Variants in KIAA0825 observed in about 807,000 individuals in gnomAD.
KIAA0825 encodes KIAA0825, also known as uncharacterized protein KIAA0825.
Under a neutral mutation model 147.6 loss-of-function variants are expected in KIAA0825, and 119 were observed. The ratio of observed to expected loss-of-function variants is 0.81; its 90% CI spans 0.69 to 0.94. The LOEUF (loss-of-function observed/expected upper bound fraction) is 0.94. Among genes scored for constraint, KIAA0825 ranks in the 40% least tolerant of loss-of-function variants. KIAA0825 has a pLI of 0.00. For missense variants in KIAA0825, 1,381 were observed against 1,472.7 expected, an observed-to-expected ratio of 0.94 and a Z score of 1.02; for synonymous variants, 470 against 518.1, an observed-to-expected ratio of 0.91 and a Z score of 1.26.
intron 20 of KIAA0825, among the ~76,000 whole-genome samples, chr5:94,204,356 C>T (rs1771964710): frequency 6.6e-6 from 1 of 152,068 alleles, no homozygotes; most frequent in Non-Finnish European, 1.5e-5. Context: ...TTGAATAGTT[C>T]CAAAATATAA....
At chr5:94,602,408 AG>A (rs1392818119) in intron 1 of KIAA0825, among the ~76,000 whole-genome samples, 1 of 152,108 alleles carries the variant, frequency 6.6e-6, no homozygotes, top group African/African-American at 2.4e-5. Flanking sequence ...CATAATCATC[AG>A]GTTCTTCAAG....
intron 20 of KIAA0825, among the ~76,000 whole-genome samples, chr5:94,205,301 T>TATATATATATATATA (rs1562311940): frequency 1.6e-5 from 1 of 62,846 alleles, no homozygotes; most frequent in Non-Finnish European, 3.6e-5. Context: ...ATATATATAT[T>TATATATATATATATA]TTGTTTTGTT....
intron 20 of KIAA0825, among the ~76,000 whole-genome samples, chr5:94,372,871 C>T (rs774545097): frequency 7.2e-5 from 11 of 152,232 alleles, no homozygotes; most frequent in Non-Finnish European, 1.3e-4. Flanking sequence ...GTTCTGCTTC[C>T]GCTTGAATGC....
chr5:94,559,433 T>A (rs1777159637), intron 2 of KIAA0825, among the ~76,000 whole-genome samples: 1 of 152,150 alleles, frequency 6.6e-6, no homozygotes, highest in African/African-American at 2.4e-5. Context: ...CTCTTTAAAA[T>A]AGGACACAAA....
In KIAA0825 at chr5:94,287,125, A is replaced by G. The variant is rs145654479; in HGVS notation, c.3710+97243T>C. Among the ~76,000 whole-genome samples, 766 of 152,288 alleles carry G rather than the reference A, an allele frequency of 5.0e-3. 7 individuals are homozygous for G. Among genetic ancestry groups the G allele is most frequent in the African/African-American group, 0.018 (741 of 41,576 alleles). On this transcript the variant is annotated intron_variant, in intron 20 of 20. Transcript: ENST00000682413. ...CTTGAATGGTCATCATGAAGATAAA[A>G]TGAGTTAATGTATATAAAGTCACCA...
intron 20 of KIAA0825, among the ~76,000 whole-genome samples, chr5:94,161,444 G>C (rs1444142791): frequency 6.6e-6 from 1 of 152,108 alleles, no homozygotes; most frequent in Non-Finnish European, 1.5e-5. Context: ...CCAGTCTACA[G>C]CCCACCTTTT....
chr5:94,249,064 G>A (rs187253822), intron 20 of KIAA0825, among the ~76,000 whole-genome samples: 156 of 152,050 alleles, frequency 1.0e-3, no homozygotes, highest in Non-Finnish European at 1.7e-3. Context: ...AAGGAAGCCC[G>A]ATCGGGTTAA....
chr5:94,428,003 T>C (rs146867010), intron 14 of KIAA0825, among the ~76,000 whole-genome samples: 1 of 152,334 alleles, frequency 6.6e-6, no homozygotes, highest in Non-Finnish European at 1.5e-5. Flanking sequence ...GTCTATCTTA[T>C]CTGATATAAA....
At chr5:94,604,162 T>C (rs774431061) in intron 1 of KIAA0825, among the ~76,000 whole-genome samples, 4 of 152,202 alleles carry the variant, frequency 2.6e-5, no homozygotes, top group Non-Finnish European at 5.9e-5. Flanking sequence ...ACTCTAAAAT[T>C]GATCACATAA....
At chr5:94,341,299 C>T (rs1782352091) in intron 20 of KIAA0825, among the ~76,000 whole-genome samples, 1 of 152,084 alleles carries the variant, frequency 6.6e-6, no homozygotes, top group African/African-American at 2.4e-5. Flanking sequence ...TGCTAAAATC[C>T]TCTGTCTTAT....
At chr5:94,393,845 C>T (rs950150839) in intron 17 of KIAA0825, among the ~76,000 whole-genome samples, 3 of 147,900 alleles carry the variant, frequency 2.0e-5, no homozygotes, top group African/African-American at 7.8e-5. Flanking sequence ...CAAGAAGAAA[C>T]ACTCTTTTTT....
chr5:94,599,942 C>A (rs1403372895), intron 1 of KIAA0825, among the ~76,000 whole-genome samples: 1 of 151,574 alleles, frequency 6.6e-6, no homozygotes, highest in Non-Finnish European at 1.5e-5. Context: ...GTCCACCCCC[C>A]CAAAAAAAAG....
chr5:94,314,872 C>G (rs1262515440), intron 20 of KIAA0825, among the ~76,000 whole-genome samples: 2 of 151,476 alleles, frequency 1.3e-5, no homozygotes, highest in African/African-American at 4.8e-5. Flanking sequence ...CTCTTTTAAC[C>G]CCCTTCAGCT....
At chr5:94,523,393 T>G (rs899151333) in intron 4 of KIAA0825, among the ~76,000 whole-genome samples, 4 of 151,636 alleles carry the variant, frequency 2.6e-5, no homozygotes, top group African/African-American at 9.7e-5. Flanking sequence ...GTGGTCAATA[T>G]TAAGAATACC....
chr5:94,343,688 C>A (rs1171892307), intron 20 of KIAA0825, among the ~76,000 whole-genome samples: 1 of 151,870 alleles, frequency 6.6e-6, no homozygotes, highest in Non-Finnish European at 1.5e-5. Context: ...GACTGCATCT[C>A]CAAAAACAAA....
chr5:94,181,933 G>C (rs1036685575), intron 20 of KIAA0825, among the ~76,000 whole-genome samples: 1 of 152,156 alleles, frequency 6.6e-6, no homozygotes, highest in African/African-American at 2.4e-5. Context: ...GACACCAGCT[G>C]CAGGAAACTG....
At chr5:94,413,927 T>C (rs1162346526) in intron 15 of KIAA0825, 2 of 152,218 alleles carry the variant, frequency 1.3e-5, no homozygotes, top group Non-Finnish European at 2.9e-5. Flanking sequence ...AATCTACCTA[T>C]ACTATGGCGC....
At chr5:94,480,174 G>C (rs1762338640) in intron 6 of KIAA0825, among the ~76,000 whole-genome samples, 1 of 151,920 alleles carries the variant, frequency 6.6e-6, no homozygotes, top group Non-Finnish European at 1.5e-5. Flanking sequence ...CAAATGAAGA[G>C]AGAAAAAAAT....
At chr5:94,238,048 G>GA (rs1005374956) in intron 20 of KIAA0825, among the ~76,000 whole-genome samples, 2 of 152,024 alleles carry the variant, frequency 1.3e-5, no homozygotes, top group South Asian at 4.1e-4. Context: ...TTTCTCAGAA[G>GA]AAAAAAAGAA....
Sources: gnomAD v4.1 joint callset for allele counts (sites outside exome capture counted in the v4.1 genomes callset) on GRCh38, gnomAD v4.1.1 for gene constraint, MANE v1.5 for transcripts, NCBI Gene and HGNC (gene_info 2026-07-23, HGNC 2026-07-21) for gene names.